The following DPH7 variants were observed in gnomAD, a reference collection of about 807,000 sequenced individuals.
DPH7 encodes the protein diphthine methyltransferase.
DPH7 carries 44 observed loss-of-function variants against 41.7 expected under a neutral mutation model. The observed-to-expected ratio is 1.05, with a 90% CI of 0.83 to 1.36. DPH7 has a LOEUF of 1.36. DPH7 is among the 40% of genes most tolerant of loss of function. The pLI is 0.00. For missense variants in DPH7, 629 were observed against 577.5 expected, an observed-to-expected ratio of 1.09 and a Z score of -0.91; for synonymous variants, 275 against 238.0, an observed-to-expected ratio of 1.16 and a Z score of -1.43.
At chr9:137,564,812 GA>G (rs1196947638) in intron 7 of DPH7, 80 bp downstream of exon 7, 15 of 1,503,246 alleles carry the variant, frequency 1.0e-5, no homozygotes, top group Non-Finnish European at 1.4e-5. Flanking sequence ...GAAAGGCAGC[GA>G]AAGAGGGAAG....
chr9:137,578,588 G>GCCCCCCCCC, intron 1 of DPH7, 37 bp downstream of exon 1: 4 of 1,436,778 alleles, frequency 2.8e-6, no homozygotes, highest in East Asian at 2.9e-5. Flanking sequence ...CTCGTGGCCG[G>GCCCCCCCCC]CCCCGCCCTC....
In DPH7 at chr9:137,576,209, GCAC is replaced by G. The variant is rs1380405229; in HGVS notation, c.288-45_288-43del. On this transcript the variant is annotated intron_variant, in intron 2 of 8. Coordinates refer to ENST00000277540, the MANE Select transcript of DPH7 (RefSeq NM_138778.5). The stretch of plus-strand genomic sequence containing the variant: ...CCATAAGCACACCAATGTGCCCGGA[GCAC>G]AGGCGTGCACTGTGCGTCCCGGTAA... The G allele has an allele frequency of 2.6e-6, 4 of 1,560,106 alleles. No homozygotes were observed. In the East Asian group the frequency reaches 9.0e-5, roughly 35 times the overall value.
intron 5 of DPH7, among the ~76,000 whole-genome samples, chr9:137,573,938 C>T (rs945995964): frequency 7.9e-5 from 12 of 151,850 alleles, no homozygotes; most frequent in East Asian, 7.8e-4. Context: ...TGGTGGCAGG[C>T]GCCTGTAATC....
chr9:137,574,858 G>A lies in DPH7; in HGVS notation c.376-15C>T, dbSNP rs1384560846. The stretch of plus-strand genomic sequence containing the variant: ...ACGTGGCTCTTCTACTGGAGAAGAA[G>A]AAACTCCATCAAAGGGAAGTAGCCG... On this transcript the variant is annotated splice_polypyrimidine_tract_variant and intron_variant, in intron 3 of 8. Coordinates refer to ENST00000277540, the MANE Select transcript of DPH7 (RefSeq NM_138778.5). The A allele has an allele frequency of 5.0e-6, 8 of 1,613,004 alleles. No individual in the cohort carries two copies. Among genetic ancestry groups the A allele is most frequent in the African/African-American group, 4.0e-5 (3 of 74,850 alleles).
chr9:137,576,243 G>A, intron 2 of DPH7, 76 bp from the exon 3 acceptor site: 1 of 1,338,008 alleles, frequency 7.5e-7, no homozygotes, highest in Non-Finnish European at 1.1e-6. Context: ...GGTAACCACA[G>A]TCACGCTTCC....
intron 4 of DPH7, 136 bp downstream of exon 4, chr9:137,574,616 T>C (rs1197516855): frequency 3.2e-6 from 3 of 928,864 alleles, no homozygotes; most frequent in East Asian, 2.4e-5. Context: ...TTTTTCATAA[T>C]AGGACTGGCA....
rs1430275393 is a variant in DPH7, at chr9:137,578,655, C to G, written c.123G>C (p.Pro41=). ...TCTGGGGGCCGGCAGGCCGGTCCTC[C>G]GGCCGCCGCAGCTGGTAGGTCCCGC... The part of the protein sequence containing the change: ...LACGTYQLRR[P]EDRPAGPQNK... The change falls in exon 1 of 9, where the codon CCG becomes CCC. Residue 41 remains proline (P), a synonymous_variant. Coordinates refer to ENST00000277540, the MANE Select transcript of DPH7 (RefSeq NM_138778.5). The G allele has an allele frequency of 6.6e-7, 1 of 1,520,220 alleles. No individual in the cohort carries two copies. Among genetic ancestry groups the G allele is most frequent in the South Asian group, 1.2e-5 (1 of 81,978 alleles). The allele number at this position is 1,520,220 out of a possible 1,614,324, so 94.2% of individuals were successfully genotyped here.
At position 137,577,519 on chromosome 9, in the gene DPH7, G is replaced by A; in HGVS notation, c.238C>T (p.Leu80=). ...GTATCTTTTCTTTGGACCTCGACCA[G>A]AGGGTGAATAGAGTTGTTGTCATTG... The part of the protein sequence containing the change: ...SFNDNNSIHP[L]VEVQRKDTSA... Residue 80 remains leucine, a synonymous_variant, in exon 2 of 9, where the codon CTG becomes TTG. Coordinates refer to ENST00000277540, the MANE Select transcript of DPH7 (RefSeq NM_138778.5). 1.2e-6 allele frequency: 2 copies of A among 1,614,070 alleles called. No homozygotes were observed. The highest frequency in any genetic ancestry group is 8.5e-7 in the Non-Finnish European group (1 of 1,179,982).
rs1466187180 is a variant in DPH7, at chr9:137,565,161, G to A, written c.641-7C>T. ...AGAAGGCCATCGTCGCCCCCTGTGT[G>A]GAGAAAGAGAAGCATCAACACCACT... On this transcript the variant is annotated splice_region_variant and splice_polypyrimidine_tract_variant and intron_variant, in intron 5 of 8. Coordinates refer to ENST00000277540, the MANE Select transcript of DPH7 (RefSeq NM_138778.5). 4 of 1,613,804 alleles carry A rather than the reference G, an allele frequency of 2.5e-6. No individual in the cohort carries two copies. Among genetic ancestry groups the A allele is most frequent in the Non-Finnish European group, 3.4e-6 (4 of 1,179,970 alleles).
chr9:137,575,941 C>T (rs1035372071), intron 3 of DPH7, 139 bp downstream of exon 3: 6 of 1,476,614 alleles, frequency 4.1e-6, no homozygotes, highest in South Asian at 1.4e-5. Context: ...ATAGACTCCA[C>T]ATTATCTTAG....
At position 137,556,698 on chromosome 9, in the gene DPH7, G is replaced by A; in HGVS notation, c.950-1050C>T. 1 of 396,200 alleles carries A rather than the reference G, an allele frequency of 2.5e-6. No individual in the cohort carries two copies. The highest frequency in any genetic ancestry group is 1.8e-5 in the South Asian group (1 of 55,524). The allele number at this position is 396,200 out of a possible 1,614,324, so 24.5% of individuals were successfully genotyped here. ...GGGCGACCCTCGGGAGGAAGCCCCTGGGGAGGCCGTTACTGTCCCTTGGGA... is the reference window on the plus strand; with the variant it reads ...GGGCGACCCTCGGGAGGAAGCCCCTAGGGAGGCCGTTACTGTCCCTTGGGA... On this transcript the variant is annotated intron_variant, in intron 8 of 8. Transcript: ENST00000277540. This position sits in a 1 kb window ranked among gnomAD's most constrained non-coding sequence, Gnocchi z 5.2.
intron 5 of DPH7, among the ~76,000 whole-genome samples, chr9:137,572,464 C>T (rs1840610786): frequency 6.6e-6 from 1 of 152,168 alleles, no homozygotes. Flanking sequence ...AAAACACTTG[C>T]TTGGCTACTG....
chr9:137,578,469 A>G, intron 1 of DPH7, 156 bp downstream of exon 1: 1 of 960,646 alleles, frequency 1.0e-6, no homozygotes, highest in Non-Finnish European at 1.4e-6. Flanking sequence ...CCCGGCCGAG[A>G]ACAATTTTTT....
chr9:137,575,005 T>A (rs1841131082), intron 3 of DPH7, 162 bp from the exon 4 acceptor site: 1 of 1,423,296 alleles, frequency 7.0e-7, no homozygotes. Flanking sequence ...CTGAAACCCC[T>A]GCTAGGGGCC....
At position 137,564,588 on chromosome 9, in the gene DPH7, T is replaced by G. The variant is rs762477814; in HGVS notation, c.795A>C (p.Leu265=). The change falls in exon 8 of 9, where the codon CTA becomes CTC. Residue 265 remains leucine (L), a synonymous_variant. Coordinates refer to ENST00000277540, the MANE Select transcript of DPH7 (RefSeq NM_138778.5). ...LATGSYDEHI[L]LWDTRNMKQP... ...GCTTCATGTTTCGTGTGTCCCACAG[T>G]AGGATGTGTTCATCATAGCTGAAAC... 3 of 1,613,220 alleles carry G rather than the reference T, an allele frequency of 1.9e-6. No individual in the cohort carries two copies. Among genetic ancestry groups the G allele is most frequent in the East Asian group, 2.2e-5 (1 of 44,820 alleles).
In DPH7 at chr9:137,578,884, G is replaced by T; in HGVS notation, c.-107C>A. On this transcript the variant is annotated 5_prime_UTR_variant, in exon 1 of 9. Coordinates refer to ENST00000277540, the MANE Select transcript of DPH7 (RefSeq NM_138778.5). ...CCGGGGCCGGCCGGACGAGCGCAGA[G>T]CCCCAGGGACACCGTCAGCGCGGGC... 1.7e-6 allele frequency: 2 copies of T among 1,180,214 alleles called. No individual in the cohort carries two copies. Among genetic ancestry groups the T allele is most frequent in the Non-Finnish European group, 2.2e-6 (2 of 923,412 alleles). 73.1% of individuals were successfully genotyped at this position (1,180,214 alleles called of 1,614,324 possible).
chr9:137,573,502 C>A lies in DPH7; in HGVS notation c.640+706G>T, dbSNP rs534011118. ...GACCATCCTGGCTAACACGGTGAAACCCCATCTCTCTAAAAAAAAAACTAC... is the reference window on the plus strand; with the variant it reads ...GACCATCCTGGCTAACACGGTGAAAACCCATCTCTCTAAAAAAAAAACTAC... On this transcript the variant is annotated intron_variant, in intron 5 of 8. Coordinates refer to ENST00000277540, the MANE Select transcript of DPH7 (RefSeq NM_138778.5). Among the ~76,000 whole-genome samples the A allele has an allele frequency of 4.3e-3, 635 of 147,296 alleles. 3 individuals carry two copies. The highest frequency in any genetic ancestry group is 6.3e-3 in the Non-Finnish European group (422 of 67,104).
In DPH7 at chr9:137,563,355, C is replaced by T. The variant is rs141688988; in HGVS notation, c.949+1079G>A. On this transcript the variant is annotated intron_variant, in intron 8 of 8. Transcript: ENST00000277540. ...AGACCAGCCTGACCAACATGGTGAA[C>T]CCCCCATCTCTTCTAAAACTATAAA... Among the ~76,000 whole-genome samples the T allele has an allele frequency of 2.7e-3, 412 of 151,718 alleles. 1 individual carries two copies. The highest frequency in any genetic ancestry group is 5.2e-3 in the Non-Finnish European group (352 of 67,866).
chr9:137,575,551 A>G, intron 3 of DPH7: 1 of 992,920 alleles, frequency 1.0e-6, no homozygotes, highest in Non-Finnish European at 1.2e-6. Flanking sequence ...CGCCTGCAGC[A>G]TCTGCATCGG....
Sources: allele counts gnomAD v4.1 joint callset (sites outside exome capture counted in the v4.1 genomes callset), GRCh38; gene constraint gnomAD v4.1.1; non-coding constraint Gnocchi (gnomAD v3.1); transcripts MANE v1.5; gene names NCBI Gene and HGNC (gene_info 2026-07-23, HGNC 2026-07-21).